Variants in NAF1 observed in about 807,000 individuals in gnomAD.
The protein encoded by NAF1 is H/ACA ribonucleoprotein complex non-core subunit NAF1.
In NAF1, 11 loss-of-function variants were observed where a neutral mutation model predicts 40.6. That is an observed-to-expected ratio of 0.27 (90% CI 0.17 to 0.45). The LOEUF is 0.45. NAF1 is among the 20% of genes least tolerant of loss of function. NAF1 has a pLI of 1.00. For missense variants in NAF1, 607 were observed against 611.1 expected, an observed-to-expected ratio of 0.99 and a Z score of 0.07; for synonymous variants, 260 against 228.5, an observed-to-expected ratio of 1.14 and a Z score of -1.24.
chr4:163,155,276 C>CTCT (rs1731931132), intron 2 of NAF1, among the ~76,000 whole-genome samples: 1 of 152,152 alleles, frequency 6.6e-6, no homozygotes, highest in Non-Finnish European at 1.5e-5. Context: ...TCTAACTACA[C>CTCT]AATAAATCCA....
At position 163,145,708 on chromosome 4, in the gene NAF1, G is replaced by T. The variant is rs1731436261; in HGVS notation, c.717+74C>A. On this transcript the variant is annotated intron_variant, in intron 4 of 7. Coordinates refer to ENST00000274054, the MANE Select transcript of NAF1 (RefSeq NM_138386.3). ...AATTAAAATAAATAAACTCTTCTGAGAACTGATGGGGAAAGTCAGAAAAAA... is the reference window on the plus strand; with the variant it reads ...AATTAAAATAAATAAACTCTTCTGATAACTGATGGGGAAAGTCAGAAAAAA... The T allele has an allele frequency of 7.4e-6, 7 of 950,974 alleles. No individual in the cohort carries two copies. In the Admixed American group the frequency reaches 1.7e-4, roughly 23 times the overall value. 58.9% of individuals were successfully genotyped at this position (950,974 alleles called of 1,614,324 possible).
chr4:163,153,862 A>G (rs1731850444), intron 2 of NAF1, among the ~76,000 whole-genome samples: 1 of 152,146 alleles, frequency 6.6e-6, no homozygotes, highest in Non-Finnish European at 1.5e-5. Flanking sequence ...TCTTTGCAAT[A>G]AATCTTGCTA....
downstream of NAF1, among the ~76,000 whole-genome samples, chr4:163,125,023 T>G (rs1189896005): frequency 6.6e-6 from 1 of 152,328 alleles, no homozygotes; most frequent in East Asian, 1.9e-4. Context: ...CAGTGATCTT[T>G]GATGTTACTA....
rs1275222612 is a variant in NAF1 at position 163,129,040 on chromosome 4, T to C, written c.1342A>G (p.Asn448Asp). 3 of 1,506,038 alleles carry C rather than the reference T, an allele frequency of 2.0e-6. No individual in the cohort carries two copies. The Admixed American group carries it at 6.1e-5, about 31-fold the overall frequency. The allele number at this position is 1,506,038 out of a possible 1,614,324, so 93.3% of individuals were successfully genotyped here. A position where few individuals can be genotyped will look rare whatever the true frequency, so the allele number is the denominator to read the frequency against. The change falls in exon 8 of 8, where the codon AAC (asparagine) becomes GAC (aspartate). Residue 448 changes from asparagine (N) to aspartate (D), a missense_variant. Transcript: ENST00000274054. ...PPPPPPPPPV[N>D]MGWATPNMAA... ...ATGTTTGGTGTAGCCCAACCCATGTTTACAGGTGGGGGTGGTGGTGGGGGT... is the reference window on the plus strand; with the variant it reads ...ATGTTTGGTGTAGCCCAACCCATGTCTACAGGTGGGGGTGGTGGTGGGGGT...
Sources: allele counts gnomAD v4.1 joint callset (sites outside exome capture counted in the v4.1 genomes callset), GRCh38; gene constraint gnomAD v4.1.1; transcripts MANE v1.5; gene names NCBI Gene and HGNC (gene_info 2026-07-23, HGNC 2026-07-21).